PCDH15: variants seen among roughly 807,000 people sequenced by gnomAD.
The protein encoded by PCDH15 is protocadherin-15.
A neutral mutation model predicts 178.5 loss-of-function variants in PCDH15; 129 were observed. The observed-to-expected ratio is 0.72, with a 90% CI of 0.63 to 0.84. The LOEUF is 0.84. Among genes scored for constraint, PCDH15 ranks in the 40% least tolerant of loss-of-function variants. The probability of loss-of-function intolerance (pLI) is 0.00; values close to 1 mark genes in which losing one functional copy is unlikely to be tolerated. For missense variants in PCDH15, 2,230 were observed against 2,099.9 expected (o/e 1.06, Z -1.21); for synonymous variants, 800 against 732.0 (o/e 1.09, Z -1.50).
chr10:55,026,108 A>T (rs1015848502), intron 2 of PCDH15, among the ~76,000 whole-genome samples: 1 of 151,998 alleles, frequency 6.6e-6, no homozygotes, highest in African/African-American at 2.4e-5. Context: ...AAGGTTTCAC[A>T]TTATTCTACC....
intron 15 of PCDH15, among the ~76,000 whole-genome samples, chr10:54,094,043 A>T (rs2094650399): frequency 6.6e-6 from 1 of 152,252 alleles, no homozygotes; most frequent in South Asian, 2.1e-4. Context: ...TTTGAGTTTA[A>T]CGGGGGAGAT....
chr10:54,208,901 C>A (rs1227666432), intron 10 of PCDH15, among the ~76,000 whole-genome samples: 1 of 151,938 alleles, frequency 6.6e-6, no homozygotes, highest in Non-Finnish European at 1.5e-5. Flanking sequence ...CTTGTCCTAA[C>A]TCTGGGTCAC....
intron 3 of PCDH15, among the ~76,000 whole-genome samples, chr10:54,494,702 G>A (rs1283610578): frequency 1.3e-5 from 2 of 152,102 alleles, no homozygotes; most frequent in African/African-American, 4.8e-5. Context: ...TATGGTCATA[G>A]TTTTTTTCTC....
intron 15 of PCDH15, among the ~76,000 whole-genome samples, chr10:54,113,030 T>C (rs1305374751): frequency 6.6e-6 from 1 of 152,178 alleles, no homozygotes; most frequent in Admixed American, 6.5e-5. Flanking sequence ...TAAATCCTGA[T>C]ATCACAGAGA....
chr10:54,247,081 C>T, intron 8 of PCDH15, among the ~76,000 whole-genome samples: 1 of 151,838 alleles, frequency 6.6e-6, no homozygotes, highest in East Asian at 1.9e-4. Flanking sequence ...ATTCTTATGG[C>T]TTATATTTAG....
intron 2 of PCDH15, among the ~76,000 whole-genome samples, chr10:55,104,612 A>T (rs1054462978): frequency 2.7e-4 from 41 of 152,272 alleles, no homozygotes; most frequent in African/African-American, 9.9e-4. Flanking sequence ...TGCAGTGATG[A>T]CTTCTTTACT....
intron 26 of PCDH15, among the ~76,000 whole-genome samples, chr10:53,892,268 A>T (rs1020950738): frequency 4.6e-5 from 7 of 151,124 alleles, no homozygotes; most frequent in Non-Finnish European, 8.9e-5. Context: ...CTCGTGATCC[A>T]CCCGCCCCGG....
At chr10:55,490,287 G>T (rs372564198) in intron 2 of PCDH15, among the ~76,000 whole-genome samples, 1 of 151,778 alleles carries the variant, frequency 6.6e-6, no homozygotes, top group South Asian at 2.1e-4. Flanking sequence ...TTTGCAAGAC[G>T]GAGAAATGAA....
chr10:54,407,122 T>C (rs1429864413), intron 3 of PCDH15, among the ~76,000 whole-genome samples: 1 of 152,106 alleles, frequency 6.6e-6, no homozygotes, highest in East Asian at 1.9e-4. Context: ...CATGAAGTGC[T>C]CAATATCCAC....
At chr10:54,516,171 G>GA (rs2082195855) in intron 3 of PCDH15, among the ~76,000 whole-genome samples, 1 of 152,204 alleles carries the variant, frequency 6.6e-6, no homozygotes, top group Non-Finnish European at 1.5e-5. Flanking sequence ...GCTGAGAGAA[G>GA]AAGGCTTCAG....
chr10:54,595,678 C>A (rs190585361), intron 2 of PCDH15, among the ~76,000 whole-genome samples: 307 of 152,006 alleles, frequency 2.0e-3, no homozygotes, highest in African/African-American at 6.9e-3. Context: ...ATGTTGAAAC[C>A]ACATCTAAGG....
At chr10:53,953,218 T>C (rs141054309) in intron 23 of PCDH15, among the ~76,000 whole-genome samples, 1 of 152,362 alleles carries the variant, frequency 6.6e-6, no homozygotes, top group Non-Finnish European at 1.5e-5. Context: ...TGAAGAGATA[T>C]ATATTTCAAA....
chr10:55,291,312 C>T (rs148125967), intron 1 of PCDH15, among the ~76,000 whole-genome samples: 1 of 152,184 alleles, frequency 6.6e-6, no homozygotes, highest in Non-Finnish European at 1.5e-5. Flanking sequence ...TCTGGTTTCT[C>T]TGCTTTAGAA....
intron 2 of PCDH15, among the ~76,000 whole-genome samples, chr10:54,982,660 T>C (rs898708698): frequency 7.2e-5 from 11 of 152,116 alleles, no homozygotes; most frequent in African/African-American, 2.2e-4. Context: ...AACAATATGG[T>C]TGTTACAGTG....
intron 2 of PCDH15, among the ~76,000 whole-genome samples, chr10:54,982,163 G>A (rs552833032): frequency 4.6e-5 from 7 of 151,736 alleles, no homozygotes; most frequent in Non-Finnish European, 1.0e-4. Context: ...TTATGCATAG[G>A]GTATCTTTCA....
chr10:55,015,835 G>A (rs1206427375), intron 2 of PCDH15, among the ~76,000 whole-genome samples: 5 of 152,132 alleles, frequency 3.3e-5, no homozygotes, highest in Non-Finnish European at 1.5e-5. Context: ...CAACAGTTCT[G>A]TGCACACTGC....
At chr10:54,056,606 T>G (rs888181263) in intron 18 of PCDH15, among the ~76,000 whole-genome samples, 9 of 152,088 alleles carry the variant, frequency 5.9e-5, no homozygotes, top group African/African-American at 2.2e-4. Flanking sequence ...CCTTGACACA[T>G]GGGGATTATA....
intron 2 of PCDH15, among the ~76,000 whole-genome samples, chr10:54,922,395 A>G (rs1837516611): frequency 6.6e-6 from 1 of 152,192 alleles, no homozygotes; most frequent in African/African-American, 2.4e-5. Context: ...AGGGAGCTAT[A>G]GGCCCTATGC....
At chr10:54,134,404 C>G (rs1047494040) in intron 14 of PCDH15, among the ~76,000 whole-genome samples, 2 of 151,998 alleles carry the variant, frequency 1.3e-5, no homozygotes, top group African/African-American at 4.8e-5. Context: ...GACATGGTCA[C>G]CAAAAATATT....
Sources: allele counts gnomAD v4.1 joint callset (sites outside exome capture counted in the v4.1 genomes callset), GRCh38; gene constraint gnomAD v4.1.1; transcripts MANE v1.5; gene names NCBI Gene and HGNC (gene_info 2026-07-23, HGNC 2026-07-21).